Variants in MORC1 observed in about 807,000 individuals in gnomAD.
The protein encoded by MORC1 is MORC family CW-type zinc finger 1, also known as MORC family CW-type zinc finger protein 1.
MORC1 carries 59 observed loss-of-function variants against 134.9 expected under a neutral mutation model. The observed-to-expected ratio is 0.44, with a 90% CI of 0.35 to 0.54. The LOEUF (loss-of-function observed/expected upper bound fraction) is 0.54. Ranked by LOEUF, MORC1 falls within the 20% of genes least tolerant of loss-of-function variation. The pLI is 0.00. For synonymous variants in MORC1, 395 were observed against 391.7 expected, an observed-to-expected ratio of 1.01 and a Z score of -0.10; for missense variants, 947 against 1,134.5, an observed-to-expected ratio of 0.83 and a Z score of 2.37.
chr3:108,980,218 C>A, intron 23 of MORC1, among the ~76,000 whole-genome samples: 1 of 152,142 alleles, frequency 6.6e-6, no homozygotes, highest in East Asian at 1.9e-4. Context: ...TCCCCTTCAC[C>A]AGAAACTCCC....
At position 108,975,388 on chromosome 3, in the gene MORC1, CT is replaced by C. The variant is rs537108773; in HGVS notation, c.2478-3987del. ...TTAAAAAGTTACTTTCTTTTTAAAA[CT>C]TTTTTTTGGTATTTTAAAAATCTAA... On this transcript the variant is annotated intron_variant, in intron 24 of 27. Transcript: ENST00000232603. Among the ~76,000 whole-genome samples, 796 of 151,982 alleles carry C rather than the reference CT, an allele frequency of 5.2e-3. 20 individuals carry two copies. Among genetic ancestry groups the C allele is most frequent in the African/African-American group, 0.018 (766 of 41,460 alleles).
intron 27 of MORC1, among the ~76,000 whole-genome samples, chr3:108,962,414 G>C (rs1350678961): frequency 6.6e-6 from 1 of 152,120 alleles, no homozygotes; most frequent in Non-Finnish European, 1.5e-5. Flanking sequence ...AACCCAGGCA[G>C]CCTGGCTTCA....
At chr3:108,992,911 A>G (rs997129145) in intron 21 of MORC1, among the ~76,000 whole-genome samples, 17 of 152,240 alleles carry the variant, frequency 1.1e-4, no homozygotes, top group African/African-American at 3.9e-4. Context: ...TGTCTTCTTC[A>G]GAATTACAGA....
intron 17 of MORC1, among the ~76,000 whole-genome samples, chr3:109,022,699 T>C (rs1049648639): frequency 3.3e-5 from 5 of 152,236 alleles, no homozygotes; most frequent in Non-Finnish European, 5.9e-5. Flanking sequence ...GCCTAACCTA[T>C]GTAGAGTCAA....
intron 1 of MORC1, 85 bp from the exon 2 acceptor site, chr3:109,114,522 T>C (rs1951230940): frequency 1.7e-6 from 2 of 1,189,756 alleles, no homozygotes; most frequent in African/African-American, 1.5e-5. Context: ...AGACAAACGT[T>C]CTCCAGTTCC....
intron 17 of MORC1, among the ~76,000 whole-genome samples, chr3:109,016,811 G>A (rs1010594187): frequency 1.3e-5 from 2 of 152,158 alleles, no homozygotes; most frequent in African/African-American, 4.8e-5. Flanking sequence ...GTTGCAGTGA[G>A]CTGAGATCGC....
Position 108,981,225 on chromosome 3 carries a change from C to T in MORC1, c.2325-1558G>A, listed in dbSNP as rs552694301. Among the ~76,000 whole-genome samples the T allele has an allele frequency of 2.6e-5, 4 of 152,188 alleles. No homozygotes were observed. In the South Asian group the frequency reaches 8.3e-4, roughly 32 times the overall value. ...AAAAGATTTTTTTTTGTAATCCTTT[C>T]ATGCTGATGTCCATAAATTAAGATC... On this transcript the variant is annotated intron_variant, in intron 23 of 27. Coordinates refer to ENST00000232603, the MANE Select transcript of MORC1 (RefSeq NM_014429.4).
chr3:109,051,091 G>T (rs1949813318), intron 14 of MORC1, among the ~76,000 whole-genome samples: 1 of 152,148 alleles, frequency 6.6e-6, no homozygotes, highest in Non-Finnish European at 1.5e-5. Context: ...GATGTATAAA[G>T]CTTCAGAAAA....
chr3:108,960,472 AGAGG>A (rs1252819459), intron 27 of MORC1, among the ~76,000 whole-genome samples: 2 of 152,226 alleles, frequency 1.3e-5, no homozygotes, highest in African/African-American at 4.8e-5. Context: ...ATGGCTACCT[AGAGG>A]TGGAAGTGGT....
At chr3:109,038,105 T>C (rs986215206) in intron 14 of MORC1, among the ~76,000 whole-genome samples, 21 of 152,224 alleles carry the variant, frequency 1.4e-4, no homozygotes, top group African/African-American at 4.6e-4. Context: ...CCAGTGTGTG[T>C]TGTTTCATGA....
At position 109,069,725 on chromosome 3, in the gene MORC1, G is replaced by A. The variant is rs776182993; in HGVS notation, c.722C>T (p.Thr241Ile). Reference protein sequence around the residue: ...FPARWSFRAYTSVLYFNPWMR... With the variant: ...FPARWSFRAYISVLYFNPWMR... ...CCATGGGTTAAAATACAGAACAGATGTGTAGGCTCTGAATGACCACCTCGC... is the reference window on the plus strand; with the variant it reads ...CCATGGGTTAAAATACAGAACAGATATGTAGGCTCTGAATGACCACCTCGC... The change falls in exon 9 of 28, where the codon ACA (threonine) becomes ATA (isoleucine). Residue 241 changes from threonine to isoleucine, a missense_variant. This residue lies in a region of MORC1 where 11 missense variants were observed against 36.2 expected (regional missense o/e 0.30). Coordinates refer to ENST00000232603, the MANE Select transcript of MORC1 (RefSeq NM_014429.4). 3.1e-6 allele frequency: 5 copies of A among 1,611,476 alleles called. No individual in the cohort carries two copies. The highest frequency in any genetic ancestry group is 1.6e-4 in the Middle Eastern group (1 of 6,072).
intron 17 of MORC1, among the ~76,000 whole-genome samples, chr3:109,012,950 G>A (rs566650013): frequency 1.1e-3 from 167 of 152,198 alleles, no homozygotes; most frequent in African/African-American, 3.6e-3. Context: ...GAACTGGAGG[G>A]GTGAGAGTGA....
At chr3:109,047,249 G>A (rs188047196) in intron 14 of MORC1, among the ~76,000 whole-genome samples, 28 of 152,228 alleles carry the variant, frequency 1.8e-4, no homozygotes, top group Admixed American at 1.4e-3. Flanking sequence ...CTCTTCTTAA[G>A]CAGGCTGATG....
intron 6 of MORC1, among the ~76,000 whole-genome samples, chr3:109,097,415 G>A (rs1040512382): frequency 6.6e-6 from 1 of 152,196 alleles, no homozygotes; most frequent in African/African-American, 2.4e-5. Context: ...TGCCCCCTAT[G>A]TTCCTTTGCT....
At chr3:108,999,219 TAGTG>T (rs1428579744) in intron 21 of MORC1, among the ~76,000 whole-genome samples, 1 of 152,240 alleles carries the variant, frequency 6.6e-6, no homozygotes, top group Non-Finnish European at 1.5e-5. Context: ...TTATTGTTAA[TAGTG>T]AGGCTATTTC....
At chr3:109,050,601 T>C (rs1405800826) in intron 14 of MORC1, among the ~76,000 whole-genome samples, 2 of 152,186 alleles carry the variant, frequency 1.3e-5, no homozygotes, top group Non-Finnish European at 2.9e-5. Context: ...ATTCAGACCA[T>C]AGCACCACCC....
intron 14 of MORC1, among the ~76,000 whole-genome samples, chr3:109,042,289 T>C (rs913642262): frequency 6.6e-6 from 1 of 152,174 alleles, no homozygotes; most frequent in African/African-American, 2.4e-5. Flanking sequence ...GTCTCAATTT[T>C]CAAAAGAAGA....
chr3:108,989,070 A>T (rs1947976753), intron 21 of MORC1, among the ~76,000 whole-genome samples: 1 of 152,048 alleles, frequency 6.6e-6, no homozygotes, highest in Admixed American at 6.5e-5. Context: ...AACATTGTGT[A>T]AATCTGATTT....
intron 26 of MORC1, 87 bp from the exon 27 acceptor site, chr3:108,963,695 T>C: frequency 1.1e-6 from 1 of 911,204 alleles, no homozygotes. Context: ...ATTCCAACTC[T>C]GCCTACATGT....
Sources: allele counts gnomAD v4.1 joint callset (sites outside exome capture counted in the v4.1 genomes callset), GRCh38; gene constraint gnomAD v4.1.1; regional missense constraint gnomAD v4.1.1; transcripts MANE v1.5; gene names NCBI Gene and HGNC (gene_info 2026-07-23, HGNC 2026-07-21).